BCL2: variants seen among roughly 807,000 people sequenced by gnomAD.
BCL2 encodes apoptosis regulator Bcl-2.
A neutral mutation model predicts 14.2 loss-of-function variants in BCL2; 1 was observed. That is an observed-to-expected ratio of 0.07 (90% CI 0.02 to 0.33). BCL2 has a LOEUF of 0.33. BCL2 is among the 10% of genes least tolerant of loss of function. BCL2 has a pLI of 0.99. For synonymous variants in BCL2, 151 were observed against 137.2 expected (o/e 1.10, Z -0.70); for missense variants, 247 against 305.9 (o/e 0.81, Z 1.44).
chr18:63,258,419 A>G (rs1911547877), intron 2 of BCL2, among the ~76,000 whole-genome samples: 1 of 152,206 alleles, frequency 6.6e-6, no homozygotes, highest in Admixed American at 6.5e-5. Context: ...TTCCTCTGGA[A>G]AGTGGGACCA....
At chr18:63,314,927 C>T (rs1259534800) in intron 2 of BCL2, 2 of 152,158 alleles carry the variant, frequency 1.3e-5, no homozygotes, top group African/African-American at 4.8e-5. Flanking sequence ...TCTCCTTCAT[C>T]CAATTTATGT....
At chr18:63,313,003 G>A (rs1913381235) in intron 2 of BCL2, among the ~76,000 whole-genome samples, 1 of 152,130 alleles carries the variant, frequency 6.6e-6, no homozygotes, top group African/African-American at 2.4e-5. Flanking sequence ...TTTTGGCCCT[G>A]TTTAAATTAG....
At chr18:63,142,453 C>T (rs180694734) in intron 2 of BCL2, among the ~76,000 whole-genome samples, 89 of 152,344 alleles carry the variant, frequency 5.8e-4, no homozygotes, top group Admixed American at 1.4e-3. Flanking sequence ...AGATGCACCC[C>T]GGATGGTGCT....
intron 2 of BCL2, among the ~76,000 whole-genome samples, chr18:63,205,578 T>C (rs1184652601): frequency 1.7e-4 from 26 of 152,184 alleles, no homozygotes; most frequent in Non-Finnish European, 3.7e-4. Context: ...ATGAATGTAC[T>C]CTGAACTACT....
intron 2 of BCL2, chr18:63,302,301 CAA>C (rs529283406): frequency 1.1e-3 from 876 of 815,538 alleles, no homozygotes; most frequent in Middle Eastern, 1.3e-3. Context: ...AACTCCTTCT[CAA>C]AAAAAAAAAA....
intron 2 of BCL2, among the ~76,000 whole-genome samples, chr18:63,244,313 G>T (rs1004750714): frequency 6.6e-6 from 1 of 152,164 alleles, no homozygotes; most frequent in African/African-American, 2.4e-5. Flanking sequence ...GGGAGGCGGA[G>T]GTTGCAGTGA....
chr18:63,211,477 C>A (rs1910001528), intron 2 of BCL2, among the ~76,000 whole-genome samples: 4 of 152,158 alleles, frequency 2.6e-5, no homozygotes, highest in Admixed American at 2.6e-4. Flanking sequence ...CTCTATGTGA[C>A]ATTTTTTTAT....
At chr18:63,263,997 T>G (rs1466573118) in intron 2 of BCL2, among the ~76,000 whole-genome samples, 2 of 152,206 alleles carry the variant, frequency 1.3e-5, no homozygotes, top group Admixed American at 1.3e-4. Flanking sequence ...CACGAACGTC[T>G]GACCTCAGGT....
At chr18:63,246,958 A>G (rs1390622210) in intron 2 of BCL2, among the ~76,000 whole-genome samples, 1 of 152,174 alleles carries the variant, frequency 6.6e-6, no homozygotes, top group Non-Finnish European at 1.5e-5. Context: ...TTATGTAGGT[A>G]ATGATCATTT....
At chr18:63,235,879 T>C (rs1030864268) in intron 2 of BCL2, among the ~76,000 whole-genome samples, 2 of 151,854 alleles carry the variant, frequency 1.3e-5, no homozygotes, top group African/African-American at 4.8e-5. Context: ...ACTATATATA[T>C]ATATTTTTAA....
intron 2 of BCL2, among the ~76,000 whole-genome samples, chr18:63,218,462 A>T (rs1268178528): frequency 6.6e-6 from 1 of 151,836 alleles, no homozygotes; most frequent in African/African-American, 2.4e-5. Context: ...TTTCAATTTA[A>T]TGTTCATTGA....
intron 2 of BCL2, among the ~76,000 whole-genome samples, chr18:63,232,967 A>C (rs1213946101): frequency 1.3e-5 from 2 of 152,230 alleles, no homozygotes; most frequent in Non-Finnish European, 2.9e-5. Flanking sequence ...TGGGTGACTT[A>C]TGTAACATTT....
intron 2 of BCL2, among the ~76,000 whole-genome samples, chr18:63,189,156 T>C (rs1029932190): frequency 1.4e-5 from 2 of 147,878 alleles, no homozygotes; most frequent in Non-Finnish European, 3.0e-5. Context: ...CTCCAAAAAC[T>C]TTACAAGAAT....
At chr18:63,260,351 T>C (rs1911618369) in intron 2 of BCL2, among the ~76,000 whole-genome samples, 1 of 152,244 alleles carries the variant, frequency 6.6e-6, no homozygotes, top group South Asian at 2.1e-4. Context: ...CAATATCTTT[T>C]GGATCTCCAA....
intron 2 of BCL2, among the ~76,000 whole-genome samples, chr18:63,307,436 G>A (rs561754560): frequency 6.6e-6 from 1 of 152,310 alleles, no homozygotes; most frequent in Non-Finnish European, 1.5e-5. Flanking sequence ...GACAGCTTGT[G>A]TTATTCTCAC....
At position 63,318,052 on chromosome 18, in the gene BCL2, G is replaced by A; in HGVS notation, c.585+30C>T. ...CCCGCATCTCGGACCTGTGGCCTCA[G>A]CCCAGACTCACATCACCAAGTGCAC... On this transcript the variant is annotated intron_variant, in intron 2 of 2. Coordinates refer to ENST00000333681, the MANE Select transcript of BCL2 (RefSeq NM_000633.3). This position sits in a 1 kb window ranked among gnomAD's most constrained non-coding sequence, Gnocchi z 7.4. The A allele has an allele frequency of 6.2e-7, 1 of 1,611,034 alleles. No individual in the cohort carries two copies. The highest frequency in any genetic ancestry group is 8.5e-7 in the Non-Finnish European group (1 of 1,178,370).
intron 2 of BCL2, among the ~76,000 whole-genome samples, chr18:63,146,966 G>T (rs1298957064): frequency 2.0e-5 from 3 of 152,172 alleles, no homozygotes; most frequent in Non-Finnish European, 4.4e-5. Flanking sequence ...ATACCTTTTG[G>T]CGAGAAAACA....
intron 2 of BCL2, among the ~76,000 whole-genome samples, chr18:63,140,843 C>T (rs73965839): frequency 0.028 from 4,226 of 152,292 alleles, 84 homozygotes; most frequent in African/African-American, 0.035. Flanking sequence ...GTTCCTTACA[C>T]GACATGAAGA....
chr18:63,162,075 A>G (rs1324777578), intron 2 of BCL2, among the ~76,000 whole-genome samples: 1 of 152,192 alleles, frequency 6.6e-6, no homozygotes, highest in African/African-American at 2.4e-5. Context: ...GTCAGACATG[A>G]GCAGCCAGGG....
Sources: allele counts gnomAD v4.1 joint callset (sites outside exome capture counted in the v4.1 genomes callset), GRCh38; gene constraint gnomAD v4.1.1; non-coding constraint Gnocchi (gnomAD v3.1); transcripts MANE v1.5; gene names NCBI Gene and HGNC (gene_info 2026-07-23, HGNC 2026-07-21).